Variants in TIAM2 observed in about 807,000 individuals in gnomAD.
TIAM2 encodes TIAM Rac1 associated GEF 2.
In TIAM2, 80 loss-of-function variants were observed where a neutral mutation model predicts 152.9. The ratio of observed to expected loss-of-function variants is 0.52; its 90% CI spans 0.44 to 0.63. The LOEUF (loss-of-function observed/expected upper bound fraction) is 0.63. Among genes scored for constraint, TIAM2 ranks in the 30% least tolerant of loss-of-function variants. TIAM2 has a pLI of 0.00. For synonymous variants in TIAM2, 804 were observed against 838.0 expected (o/e 0.96, Z 0.70); for missense variants, 1,965 against 2,120.1 (o/e 0.93, Z 1.44).
chr6:155,045,354 G>C (rs1211878105), intron 1 of TIAM2, among the ~76,000 whole-genome samples: 1 of 151,914 alleles, frequency 6.6e-6, no homozygotes, highest in African/African-American at 2.4e-5. Flanking sequence ...GAGCCACCAC[G>C]CCCGGCAGAA....
At chr6:155,056,762 T>C (rs1185461699) in intron 1 of TIAM2, among the ~76,000 whole-genome samples, 1 of 152,038 alleles carries the variant, frequency 6.6e-6, no homozygotes, top group Non-Finnish European at 1.5e-5. Context: ...GTATATTCAT[T>C]ACAATAAATG....
chr6:155,211,060 TA>T, intron 14 of TIAM2, 143 bp from the exon 15 acceptor site: 1 of 549,674 alleles, frequency 1.8e-6, no homozygotes, highest in Non-Finnish European at 3.2e-6. Context: ...TGCGTAATTG[TA>T]ACCTCAGTGT....
chr6:155,018,236 G>GAAAAAA (rs66755799), intron 1 of TIAM2, among the ~76,000 whole-genome samples: 1 of 143,132 alleles, frequency 7.0e-6, no homozygotes. Context: ...AGACTGTCTC[G>GAAAAAA]AAAAAAAAAA....
intron 1 of TIAM2, among the ~76,000 whole-genome samples, chr6:155,050,577 G>A (rs1368820006): frequency 6.6e-6 from 1 of 152,184 alleles, no homozygotes; most frequent in Non-Finnish European, 1.5e-5. Context: ...TACTGGAGGG[G>A]TCACACCTGC....
intron 1 of TIAM2, among the ~76,000 whole-genome samples, chr6:155,087,674 G>A (rs1002084800): frequency 2.3e-4 from 35 of 152,056 alleles, no homozygotes; most frequent in African/African-American, 8.0e-4. Context: ...GCTTGAACTC[G>A]GGAGGCGGAG....
intron 2 of TIAM2, among the ~76,000 whole-genome samples, chr6:155,122,497 G>A (rs1223925528): frequency 2.6e-5 from 4 of 151,788 alleles, no homozygotes; most frequent in Admixed American, 6.6e-5. Context: ...TTTGGGGATT[G>A]GGAGGGAATG....
In TIAM2 at chr6:155,007,016, G is replaced by A. The variant is rs115413665; in HGVS notation, c.-209+11524G>A. ...AATTTTTGTATTTTTTGTGGAGAAA[G>A]GGTCTTGCCATGTTGCTCAGGCTGG... is the stretch of plus-strand genomic sequence containing the variant. On this transcript the variant is annotated intron_variant, in intron 1 of 26. Transcript: ENST00000682666. Among the ~76,000 whole-genome samples, 785 of 152,298 alleles carry A rather than the reference G, an allele frequency of 5.2e-3. 6 individuals carry two copies. The highest frequency in any genetic ancestry group is 0.018 in the African/African-American group (734 of 41,570).
rs190430243 is a variant in TIAM2 at position 155,218,303 on chromosome 6, T to A, written c.3168+6996T>A. ...TGGCCTCCTCAAGGCAAACGCTTTG[T>A]CCCTGAAAAATGGTTTGGGGTGTGG... On this transcript the variant is annotated intron_variant, in intron 15 of 26. Coordinates refer to ENST00000682666, the MANE Select transcript of TIAM2 (RefSeq NM_012454.4). This position sits in a 1 kb window ranked among gnomAD's most constrained non-coding sequence, Gnocchi z 4.5. Among the ~76,000 whole-genome samples the A allele has an allele frequency of 5.9e-5, 9 of 152,322 alleles. No individual in the cohort carries two copies. The East Asian group carries it at 1.7e-3, about 29-fold the overall frequency.
chr6:155,087,889 A>T, intron 1 of TIAM2, among the ~76,000 whole-genome samples: 1 of 152,156 alleles, frequency 6.6e-6, no homozygotes, highest in Admixed American at 6.6e-5. Flanking sequence ...CAAATCTCTG[A>T]ACTAATTATG....
At chr6:155,254,323 C>T (rs1783865148) in intron 25 of TIAM2, 96 bp from the exon 26 acceptor site, 2 of 1,508,228 alleles carry the variant, frequency 1.3e-6, no homozygotes, top group African/African-American at 1.4e-5. Flanking sequence ...CAGCCTGGTC[C>T]AGCAGGTGCA....
chr6:155,084,585 G>A (rs1245018749), intron 1 of TIAM2, among the ~76,000 whole-genome samples: 1 of 151,282 alleles, frequency 6.6e-6, no homozygotes, highest in African/African-American at 2.4e-5. Context: ...GCTGGCCATT[G>A]ATTTTTTTTG....
Position 155,135,112 on chromosome 6 carries a change from G to A in TIAM2, c.1195-2065G>A, listed in dbSNP as rs144625056. On this transcript the variant is annotated intron_variant, in intron 4 of 26. Transcript: ENST00000682666. The stretch of plus-strand genomic sequence containing the variant: ...ACAGCTGGTTTATTTGCTCTGTTAT[G>A]CATAAGCATCAGTGTATAAATAAAT... Among the ~76,000 whole-genome samples the A allele has an allele frequency of 3.4e-3, 522 of 152,286 alleles. 3 individuals are homozygous for A. The highest frequency in any genetic ancestry group is 0.011 in the African/African-American group (468 of 41,558).
intron 26 of TIAM2, chr6:155,256,103 A>C (rs1325458051): frequency 1.2e-5 from 4 of 338,996 alleles, no homozygotes; most frequent in African/African-American, 2.2e-5. Flanking sequence ...ATATGGTGTG[A>C]TCTTCATGAT....
At chr6:155,159,662 C>G (rs934882334) in intron 7 of TIAM2, among the ~76,000 whole-genome samples, 1 of 152,170 alleles carries the variant, frequency 6.6e-6, no homozygotes, top group African/African-American at 2.4e-5. Context: ...CTCTTCTTCC[C>G]TCTAAGGAAC....
At chr6:155,111,462 C>G (rs189831730) in intron 2 of TIAM2, among the ~76,000 whole-genome samples, 89 of 152,240 alleles carry the variant, frequency 5.8e-4, no homozygotes, top group Middle Eastern at 3.4e-3. Context: ...CATCACTTAC[C>G]TTTTTAAGAA....
intron 14 of TIAM2, among the ~76,000 whole-genome samples, chr6:155,193,898 A>C (rs1171142825): frequency 6.6e-6 from 1 of 152,374 alleles, no homozygotes; most frequent in African/African-American, 2.4e-5. Context: ...CCATCAGTGC[A>C]CATGTCCTCA....
At chr6:155,104,483 C>G (rs1778632013) in intron 2 of TIAM2, among the ~76,000 whole-genome samples, 1 of 152,122 alleles carries the variant, frequency 6.6e-6, no homozygotes, top group Non-Finnish European at 1.5e-5. Flanking sequence ...GCATGGCCGG[C>G]ACGGTGGGTC....
intron 19 of TIAM2, among the ~76,000 whole-genome samples, chr6:155,247,428 A>G (rs2115335526): frequency 6.6e-6 from 1 of 152,222 alleles, no homozygotes; most frequent in Middle Eastern, 3.4e-3. Flanking sequence ...TCAGGAGTTC[A>G]GGTGATTCTC....
intron 9 of TIAM2, among the ~76,000 whole-genome samples, chr6:155,170,167 G>A (rs1045989921): frequency 1.7e-5 from 2 of 115,072 alleles, no homozygotes; most frequent in African/African-American, 7.1e-5. Context: ...TCTGTCAAGT[G>A]CGTATGTCAT....
Sources: allele counts gnomAD v4.1 joint callset (sites outside exome capture counted in the v4.1 genomes callset), GRCh38; gene constraint gnomAD v4.1.1; non-coding constraint Gnocchi (gnomAD v3.1); transcripts MANE v1.5; gene names NCBI Gene and HGNC (gene_info 2026-07-23, HGNC 2026-07-21).